ZC3H6: variants seen among roughly 807,000 people sequenced by gnomAD.
The protein encoded by ZC3H6 is zinc finger CCCH domain-containing protein 6.
In ZC3H6, 40 loss-of-function variants were observed where a neutral mutation model predicts 107.7. That is an observed-to-expected ratio of 0.37 (90% CI 0.29 to 0.48). The LOEUF (loss-of-function observed/expected upper bound fraction) is 0.48, where lower values mean the gene tolerates loss of function less well. Ranked by LOEUF, ZC3H6 falls within the 20% of genes least tolerant of loss-of-function variation. The pLI is 0.98. For synonymous variants in ZC3H6, 493 were observed against 487.9 expected, an observed-to-expected ratio of 1.01 and a Z score of -0.14; for missense variants, 1,267 against 1,410.4, an observed-to-expected ratio of 0.90 and a Z score of 1.63.
chr2:112,328,015 A>G (rs1458420567), intron 11 of ZC3H6, among the ~76,000 whole-genome samples: 5 of 152,000 alleles, frequency 3.3e-5, no homozygotes, highest in Non-Finnish European at 4.4e-5. Context: ...TCAGCCTCCC[A>G]AGTAGGTGGG....
At chr2:112,305,465 C>T (rs1392084048) in intron 3 of ZC3H6, among the ~76,000 whole-genome samples, 1 of 152,108 alleles carries the variant, frequency 6.6e-6, no homozygotes, top group Non-Finnish European at 1.5e-5. Context: ...ATTTTTTAAA[C>T]ATTATGCAGT....
At position 112,337,003 on chromosome 2, in the gene ZC3H6, G is replaced by A. The variant is rs1026540666; in HGVS notation, c.*4515G>A. ...GTCACTTTTACAGATGCTGTCACCC[G>A]TTAAACAGGTGTGGCAGAAGTATTC... On this transcript the variant is annotated 3_prime_UTR_variant, in exon 12 of 12. Transcript: ENST00000409871. 5.9e-5 allele frequency: 9 copies of A among 152,214 alleles called. No homozygotes were observed. Among genetic ancestry groups the A allele is most frequent in the South Asian group, 2.1e-4 (1 of 4,814 alleles). The allele number at this position is 152,214 out of a possible 1,614,324, so 9.4% of individuals were successfully genotyped here. A position where few individuals can be genotyped will look rare whatever the true frequency, so the allele number is the denominator to read the frequency against.
chr2:112,278,185 C>T (rs1015151454), intron 1 of ZC3H6, among the ~76,000 whole-genome samples: 4 of 152,126 alleles, frequency 2.6e-5, no homozygotes, highest in African/African-American at 7.2e-5. Flanking sequence ...GACTAATCTG[C>T]GGGCTTCCAA....
chr2:112,311,894 A>G lies in ZC3H6; in HGVS notation c.704A>G (p.Asn235Ser), dbSNP rs757872550. Residue 235 changes from asparagine to serine, a missense_variant, in exon 5 of 12, where the codon AAT becomes AGT. Coordinates refer to ENST00000409871, the MANE Select transcript of ZC3H6 (RefSeq NM_198581.3). ...CGAAAAGAACGTGGGGGAAGAACCAATAAAGGGCCTAATGTGTTTTCAGTA... is the reference window on the plus strand; with the variant it reads ...CGAAAAGAACGTGGGGGAAGAACCAGTAAAGGGCCTAATGTGTTTTCAGTA... ...IKRKERGGRT[N>S]KGPNVFSVSD... The G allele has an allele frequency of 5.0e-6, 8 of 1,613,560 alleles. No individual in the cohort carries two copies. The Admixed American group carries it at 5.0e-5, about 10-fold the overall frequency.
rs1421556801 is a variant in ZC3H6 at position 112,335,694 on chromosome 2, A to T, written c.*3206A>T. The T allele has an allele frequency of 2.0e-5, 3 of 152,174 alleles. No individual in the cohort carries two copies. Among genetic ancestry groups the T allele is most frequent in the Non-Finnish European group, 4.4e-5 (3 of 68,034 alleles). The allele number at this position is 152,174 out of a possible 1,614,324, so 9.4% of individuals were successfully genotyped here. ...TAAGTTGTACAAATTCCAAAATAAC[A>T]TGGTATGGTTTGTATGGTTTAGCAA... is the stretch of plus-strand genomic sequence containing the variant. On this transcript the variant is annotated 3_prime_UTR_variant, in exon 12 of 12. Coordinates refer to ENST00000409871, the MANE Select transcript of ZC3H6 (RefSeq NM_198581.3).
intron 3 of ZC3H6, 73 bp from the exon 4 acceptor site, chr2:112,309,812 G>T (rs1454724614): frequency 7.0e-7 from 1 of 1,430,858 alleles, no homozygotes; most frequent in African/African-American, 1.4e-5. Context: ...GGGGGGAAAA[G>T]GATGTCCTGT....
In ZC3H6 at chr2:112,305,494, C is replaced by T. The variant is rs375265886; in HGVS notation, c.336+2143C>T. Among the ~76,000 whole-genome samples, 9 of 152,226 alleles carry T rather than the reference C, an allele frequency of 5.9e-5. No individual in the cohort carries two copies. In the East Asian group the frequency reaches 7.7e-4, roughly 13 times the overall value. On this transcript the variant is annotated intron_variant, in intron 3 of 11. Transcript: ENST00000409871. ...ATGCAGTTATTTATTGTTAATATTA[C>T]GCTGACTATTATATATCCCTGTAGA...
chr2:112,282,314 C>A (rs1686543113), intron 1 of ZC3H6, among the ~76,000 whole-genome samples: 1 of 152,224 alleles, frequency 6.6e-6, no homozygotes, highest in African/African-American at 2.4e-5. Context: ...AGTTGTGAAA[C>A]ACAGTGGCCC....
chr2:112,338,505 A>C lies in ZC3H6; in HGVS notation c.*6017A>C, dbSNP rs947927369. 6.6e-6 allele frequency: 1 copy of C among 152,200 alleles called. No homozygotes were observed. Among genetic ancestry groups the C allele is most frequent in the Non-Finnish European group, 1.5e-5 (1 of 68,030 alleles). The allele number at this position is 152,200 out of a possible 1,614,324, so 9.4% of individuals were successfully genotyped here. Reference sequence around the variant, plus strand: ...TCAAAGAAGATTGTGAGTTCTTGGAATAGTATTTTACAGCGTTGTTTATTC... The same window carrying C: ...TCAAAGAAGATTGTGAGTTCTTGGACTAGTATTTTACAGCGTTGTTTATTC... On this transcript the variant is annotated 3_prime_UTR_variant, in exon 12 of 12. Coordinates refer to ENST00000409871, the MANE Select transcript of ZC3H6 (RefSeq NM_198581.3).
At chr2:112,306,403 C>A (rs1359585742) in intron 3 of ZC3H6, among the ~76,000 whole-genome samples, 1 of 152,148 alleles carries the variant, frequency 6.6e-6, no homozygotes, top group Non-Finnish European at 1.5e-5. Flanking sequence ...AAACTCCTGA[C>A]CTCAGGTGAT....
rs1677113615 is a variant in ZC3H6, at chr2:112,334,894, G to T, written c.*2406G>T. The T allele has an allele frequency of 6.6e-6, 1 of 152,546 alleles. No individual in the cohort carries two copies. 9.4% of individuals were successfully genotyped at this position (152,546 alleles called of 1,614,324 possible). On this transcript the variant is annotated 3_prime_UTR_variant, in exon 12 of 12. Coordinates refer to ENST00000409871, the MANE Select transcript of ZC3H6 (RefSeq NM_198581.3). ...TTTGCACTGTTAGATTGAAAAGTAA[G>T]TTACGTTCCTGTTCTTAGAAGCCAC...
intron 8 of ZC3H6, 142 bp downstream of exon 8, chr2:112,322,007 T>G (rs899460875): frequency 8.9e-6 from 4 of 449,416 alleles, no homozygotes; most frequent in Non-Finnish European, 1.6e-5. Context: ...AGCAATATTC[T>G]TTACCTTTTT....
At chr2:112,283,924 T>C (rs1686565776) in intron 1 of ZC3H6, among the ~76,000 whole-genome samples, 1 of 152,276 alleles carries the variant, frequency 6.6e-6, no homozygotes, top group African/African-American at 2.4e-5. Flanking sequence ...AATTTTAATG[T>C]ATAAGGATGT....
At chr2:112,312,387 G>A (rs1343756491) in intron 5 of ZC3H6, among the ~76,000 whole-genome samples, 2 of 152,168 alleles carry the variant, frequency 1.3e-5, no homozygotes, top group Non-Finnish European at 2.9e-5. Context: ...GGTTGGAAAG[G>A]TGAACTTATG....
intron 1 of ZC3H6, among the ~76,000 whole-genome samples, chr2:112,297,328 G>A (rs1425780843): frequency 1.3e-5 from 2 of 152,074 alleles, no homozygotes; most frequent in African/African-American, 2.4e-5. Flanking sequence ...GATCAGTTTT[G>A]TATTTAAGAA....
At chr2:112,294,609 T>G (rs1051297827) in intron 1 of ZC3H6, among the ~76,000 whole-genome samples, 1 of 152,206 alleles carries the variant, frequency 6.6e-6, no homozygotes, top group Non-Finnish European at 1.5e-5. Context: ...GTTTCTGATC[T>G]GTAGCTTGTA....
intron 3 of ZC3H6, among the ~76,000 whole-genome samples, chr2:112,304,239 G>C (rs558386306): frequency 6.6e-6 from 1 of 151,940 alleles, no homozygotes; most frequent in Non-Finnish European, 1.5e-5. Flanking sequence ...ATTCTTTCTG[G>C]TATTTTATCA....
intron 1 of ZC3H6, among the ~76,000 whole-genome samples, chr2:112,298,207 A>G (rs1009937931): frequency 5.3e-5 from 8 of 152,134 alleles, no homozygotes; most frequent in African/African-American, 1.4e-4. Flanking sequence ...AATATGACCA[A>G]CAGTACTAGT....
At chr2:112,298,758 C>T (rs1426338740) in intron 1 of ZC3H6, among the ~76,000 whole-genome samples, 2 of 152,076 alleles carry the variant, frequency 1.3e-5, no homozygotes, top group Non-Finnish European at 2.9e-5. Flanking sequence ...GTCGTATGCA[C>T]ACCAACTAAA....
Sources: gnomAD v4.1 joint callset for allele counts (sites outside exome capture counted in the v4.1 genomes callset) on GRCh38, gnomAD v4.1.1 for gene constraint, MANE v1.5 for transcripts, NCBI Gene and HGNC (gene_info 2026-07-23, HGNC 2026-07-21) for gene names.